ASTN2: variants seen among roughly 807,000 people sequenced by gnomAD.
ASTN2 encodes astrotactin 2.
Under a neutral mutation model 139.8 loss-of-function variants are expected in ASTN2, and 54 were observed. The observed-to-expected ratio is 0.39, with a 90% CI of 0.31 to 0.48. The LOEUF is 0.48. ASTN2 is among the 20% of genes least tolerant of loss of function. The probability of loss-of-function intolerance (pLI) is 0.95; values close to 1 mark genes in which losing one functional copy is unlikely to be tolerated. For missense variants in ASTN2, 1,565 were observed against 1,725.1 expected (o/e 0.91, Z 1.64); for synonymous variants, 756 against 719.5 (o/e 1.05, Z -0.81).
intron 3 of ASTN2, among the ~76,000 whole-genome samples, chr9:117,204,932 C>G (rs1222258492): frequency 6.6e-6 from 1 of 151,814 alleles, no homozygotes; most frequent in East Asian, 1.9e-4. Context: ...GCTGGTATTA[C>G]TGCCAAATGA....
intron 6 of ASTN2, among the ~76,000 whole-genome samples, chr9:117,014,097 G>A (rs185762402): frequency 3.9e-5 from 6 of 152,088 alleles, no homozygotes; most frequent in African/African-American, 1.2e-4. Flanking sequence ...TGAATACCAC[G>A]GGTCCTAGCT....
chr9:116,933,617 A>G (rs1834974669), intron 10 of ASTN2, among the ~76,000 whole-genome samples: 2 of 152,066 alleles, frequency 1.3e-5, no homozygotes, highest in African/African-American at 4.8e-5. Flanking sequence ...TAAAGCTATT[A>G]CTTATTGGCA....
At chr9:116,827,567 G>A (rs564414826) in intron 11 of ASTN2, among the ~76,000 whole-genome samples, 16 of 152,034 alleles carry the variant, frequency 1.1e-4, no homozygotes, top group Admixed American at 5.2e-4. Context: ...CTGATGCCAC[G>A]GAAATACAAA....
chr9:116,644,588 C>T (rs1367040951), intron 17 of ASTN2, among the ~76,000 whole-genome samples: 1 of 152,174 alleles, frequency 6.6e-6, no homozygotes, highest in Non-Finnish European at 1.5e-5. Flanking sequence ...AAAACTCAGT[C>T]CTCAGCTCTG....
intron 4 of ASTN2, among the ~76,000 whole-genome samples, chr9:117,105,129 C>T (rs1829071973): frequency 3.9e-5 from 6 of 152,146 alleles, no homozygotes. Context: ...CGCCACACCC[C>T]CATCAAAGGC....
At chr9:116,809,825 G>T (rs1445216365) in intron 12 of ASTN2, among the ~76,000 whole-genome samples, 1 of 152,134 alleles carries the variant, frequency 6.6e-6, no homozygotes, top group Non-Finnish European at 1.5e-5. Flanking sequence ...ATTGCATTGG[G>T]TCCTCTTCCT....
At position 116,699,134 on chromosome 9, in the gene ASTN2, T is replaced by C; in HGVS notation, c.2806+26637A>G. ...CCTTGGATGGCCACTGCGTGGCCTG[T>C]CACAGGAGCCAGCTGAGCAAACCAT... is the stretch of plus-strand genomic sequence containing the variant. On this transcript the variant is annotated intron_variant, in intron 16 of 22. Coordinates refer to ENST00000313400, the MANE Select transcript of ASTN2 (RefSeq NM_001365068.1). This position sits in a 1 kb window ranked among gnomAD's most constrained non-coding sequence, Gnocchi z 4.2. 1 of 1,614,218 alleles carries C rather than the reference T, an allele frequency of 6.2e-7. No individual in the cohort carries two copies. The highest frequency in any genetic ancestry group is 8.5e-7 in the Non-Finnish European group (1 of 1,180,024).
rs200361826 is a variant in ASTN2 at position 117,120,018 on chromosome 9, GTATATATATATATATA to G, written c.1168+21292_1168+21307del. Among the ~76,000 whole-genome samples the G allele has an allele frequency of 2.8e-4, 13 of 45,998 alleles. 1 individual carries two copies. The South Asian group carries it at 0.011, about 39-fold the overall frequency. 30.2% of individuals were successfully genotyped at this position (45,998 alleles called of 152,430 possible). On this transcript the variant is annotated intron_variant, in intron 4 of 22. Coordinates refer to ENST00000313400, the MANE Select transcript of ASTN2 (RefSeq NM_001365068.1). The stretch of plus-strand genomic sequence containing the variant: ...TGTGTGTGTGTGTGTGTGTGTGTGT[GTATATATATATATATA>G]TATATATATATATATACCCTGAGTA...
chr9:116,562,312 A>G (rs1272726519), intron 19 of ASTN2: 3 of 152,236 alleles, frequency 2.0e-5, no homozygotes, highest in Admixed American at 6.5e-5. Context: ...ACGTTTTTCC[A>G]AACTAACTAG....
chr9:116,759,962 T>C (rs1210899147), intron 13 of ASTN2, among the ~76,000 whole-genome samples: 2 of 151,784 alleles, frequency 1.3e-5, no homozygotes, highest in African/African-American at 2.4e-5. Context: ...ATGTCAGATA[T>C]GATCTTTCTC....
intron 7 of ASTN2, among the ~76,000 whole-genome samples, chr9:117,004,513 C>T (rs1043149667): frequency 6.6e-6 from 1 of 152,112 alleles, no homozygotes; most frequent in Admixed American, 6.5e-5. Flanking sequence ...AAATCATGGC[C>T]CTACCTGGCA....
At chr9:117,079,387 C>T (rs562262091) in intron 5 of ASTN2, among the ~76,000 whole-genome samples, 15 of 152,020 alleles carry the variant, frequency 9.9e-5, no homozygotes, top group East Asian at 1.9e-4. Context: ...GCAGACCGAC[C>T]GACCAACCAG....
intron 10 of ASTN2, among the ~76,000 whole-genome samples, chr9:116,931,620 G>A (rs1834900377): frequency 6.6e-6 from 1 of 152,198 alleles, no homozygotes; most frequent in African/African-American, 2.4e-5. Flanking sequence ...AGATTGCAAG[G>A]TACTGGACAC....
At chr9:117,070,674 C>T (rs1319409754) in intron 5 of ASTN2, among the ~76,000 whole-genome samples, 1 of 146,158 alleles carries the variant, frequency 6.8e-6, no homozygotes, top group Non-Finnish European at 1.5e-5. Flanking sequence ...GGTCTTTTCA[C>T]ATAGTCCCAT....
chr9:116,609,404 T>TATATATATATATATATATATATATAA (rs1341567526), intron 19 of ASTN2, among the ~76,000 whole-genome samples: 1 of 110,438 alleles, frequency 9.1e-6, no homozygotes, highest in Non-Finnish European at 1.9e-5. Flanking sequence ...TATATATATA[T>TATATATATATATATATATATATATAA]ATATGAACAA....
chr9:116,897,922 A>G (rs1833916975), intron 10 of ASTN2, among the ~76,000 whole-genome samples: 1 of 152,080 alleles, frequency 6.6e-6, no homozygotes, highest in Non-Finnish European at 1.5e-5. Context: ...ACTTTTGGGC[A>G]GGGAGAGCTG....
At position 116,970,758 on chromosome 9, in the gene ASTN2, T is replaced by C. The variant is rs150420831; in HGVS notation, c.1889+4450A>G. On this transcript the variant is annotated intron_variant, in intron 10 of 22. Transcript: ENST00000313400. ...CAGCTTGCACTCTGATATCCCATTA[T>C]TCTTTCAGCGTTGTTCAGGAATTAA... Among the ~76,000 whole-genome samples, 1,105 of 152,346 alleles carry C rather than the reference T, an allele frequency of 7.3e-3. 6 individuals are homozygous for C. Among genetic ancestry groups the C allele is most frequent in the Middle Eastern group, 0.051 (15 of 294 alleles).
chr9:116,487,404 A>C lies in ASTN2; in HGVS notation c.3452T>G (p.Ile1151Ser), dbSNP rs1426568177. The C allele has an allele frequency of 1.5e-5, 24 of 1,613,968 alleles. No individual in the cohort carries two copies. The highest frequency in any genetic ancestry group is 2.0e-5 in the Non-Finnish European group (24 of 1,179,996). Residue 1151 changes from isoleucine to serine, a missense_variant, in exon 20 of 23, where the codon ATC becomes AGC. Physicochemically the swap from Ile to Ser is moderately radical, Grantham distance 142. Transcript: ENST00000313400. ...RSHGEVPEVS[I>S]YSVIFKCLEP... ...CAGACACTTGAAGATGACTGAGTAG[A>C]TACTGACTTCAGGGACCTCTCCATG...
chr9:116,491,945 C>T (rs1223064451), intron 19 of ASTN2, among the ~76,000 whole-genome samples: 8 of 152,146 alleles, frequency 5.3e-5, no homozygotes, highest in Admixed American at 5.2e-4. Flanking sequence ...TAACTCTGTA[C>T]ATCTATATTC....
Sources: gnomAD v4.1 joint callset for allele counts (sites outside exome capture counted in the v4.1 genomes callset) on GRCh38, gnomAD v4.1.1 for gene constraint, Gnocchi (gnomAD v3.1) non-coding constraint, MANE v1.5 for transcripts, NCBI Gene and HGNC (gene_info 2026-07-23, HGNC 2026-07-21) for gene names.